Variants in PCSK5 observed in about 807,000 individuals in gnomAD.
PCSK5 encodes the protein proprotein convertase subtilisin/kexin type 5.
A neutral mutation model predicts 233.2 loss-of-function variants in PCSK5; 129 were observed. The ratio of observed to expected loss-of-function variants is 0.55; its 90% CI spans 0.48 to 0.64. The LOEUF (loss-of-function observed/expected upper bound fraction) is 0.64, where lower values mean the gene tolerates loss of function less well. Ranked by LOEUF, PCSK5 falls within the 30% of genes least tolerant of loss-of-function variation. The probability of loss-of-function intolerance (pLI) is 0.00; values close to 1 mark genes in which losing one functional copy is unlikely to be tolerated. For missense variants in PCSK5, 2,076 were observed against 2,430.1 expected (o/e 0.85, Z 3.06); for synonymous variants, 825 against 879.2 (o/e 0.94, Z 1.09).
At chr9:75,966,871 G>A (rs1440942361) in intron 2 of PCSK5, among the ~76,000 whole-genome samples, 1 of 152,134 alleles carries the variant, frequency 6.6e-6, no homozygotes, top group Non-Finnish European at 1.5e-5. Flanking sequence ...TTCTACCACA[G>A]TGTATGTTGT....
chr9:76,030,033 C>A (rs1305176690), intron 5 of PCSK5, among the ~76,000 whole-genome samples: 2 of 151,612 alleles, frequency 1.3e-5, no homozygotes, highest in African/African-American at 4.8e-5. Flanking sequence ...TAGAGAGAAA[C>A]AAATATGCTC....
intron 2 of PCSK5, among the ~76,000 whole-genome samples, chr9:75,953,495 T>G (rs1824956489): frequency 6.6e-6 from 1 of 152,154 alleles, no homozygotes; most frequent in Non-Finnish European, 1.5e-5. Context: ...AGATTGTCCT[T>G]TTGTTTTGGC....
At chr9:75,984,671 A>T (rs972846305) in intron 2 of PCSK5, among the ~76,000 whole-genome samples, 1 of 152,168 alleles carries the variant, frequency 6.6e-6, no homozygotes, top group African/African-American at 2.4e-5. Flanking sequence ...ATTGTGGAAT[A>T]CTTGTTACAT....
At chr9:76,100,366 A>AT (rs976275736) in intron 8 of PCSK5, among the ~76,000 whole-genome samples, 1 of 152,232 alleles carries the variant, frequency 6.6e-6, no homozygotes, top group Non-Finnish European at 1.5e-5. Context: ...AAAATATCAC[A>AT]TTTTTTGTCC....
At position 76,063,319 on chromosome 9, in the gene PCSK5, C is replaced by CTT. The variant is rs1157596601; in HGVS notation, c.633-4608_633-4607dup. Among the ~76,000 whole-genome samples, 258 of 59,720 alleles carry CTT rather than the reference C, an allele frequency of 4.3e-3. 2 individuals carry two copies. The highest frequency in any genetic ancestry group is 4.6e-3 in the Non-Finnish European group (154 of 33,804). 39.2% of individuals were successfully genotyped at this position (59,720 alleles called of 152,430 possible). Reference sequence around the variant, plus strand: ...CTGGCTACTGGCTAATTTCTTTTTTCTTTTTTTTTTTTTTTTTTTTTTTTT... The same window carrying CTT: ...CTGGCTACTGGCTAATTTCTTTTTTCTTTTTTTTTTTTTTTTTTTTTTTTTTT... On this transcript the variant is annotated intron_variant, in intron 5 of 37. Transcript: ENST00000674117.
intron 36 of PCSK5, among the ~76,000 whole-genome samples, chr9:76,351,896 C>G (rs56673997): frequency 0.029 from 4,402 of 152,150 alleles, 201 homozygotes; most frequent in African/African-American, 0.098. Flanking sequence ...CTGGTCTACA[C>G]CACTTACCCA....
intron 30 of PCSK5, among the ~76,000 whole-genome samples, chr9:76,311,891 CAGG>C: frequency 6.6e-6 from 1 of 152,270 alleles, no homozygotes; most frequent in Non-Finnish European, 1.5e-5. Context: ...CAGCCACTAC[CAGG>C]GCCAGGAAAG....
intron 5 of PCSK5, among the ~76,000 whole-genome samples, chr9:76,064,438 A>C (rs1238142132): frequency 3.9e-5 from 4 of 101,376 alleles, no homozygotes; most frequent in Non-Finnish European, 5.9e-5. Flanking sequence ...CCCGGATGGC[A>C]CGGCTGGCCG....
intron 9 of PCSK5, among the ~76,000 whole-genome samples, chr9:76,120,486 C>G (rs1266172035): frequency 6.6e-6 from 1 of 152,008 alleles, no homozygotes; most frequent in Non-Finnish European, 1.5e-5. Flanking sequence ...TTTTTATTGG[C>G]ATATTAATGT....
chr9:76,307,926 G>A (rs971705526), intron 28 of PCSK5, among the ~76,000 whole-genome samples: 45 of 152,204 alleles, frequency 3.0e-4, no homozygotes, highest in African/African-American at 8.9e-4. Flanking sequence ...GGCCGGGCGC[G>A]GTGGCTCACA....
At chr9:76,293,005 T>C (rs1828324922) in intron 25 of PCSK5, among the ~76,000 whole-genome samples, 1 of 152,138 alleles carries the variant, frequency 6.6e-6, no homozygotes, top group Admixed American at 6.5e-5. Flanking sequence ...ATTGAGATTG[T>C]CAGAGACACA....
intron 20 of PCSK5, among the ~76,000 whole-genome samples, chr9:76,218,181 C>G (rs898496763): frequency 2.6e-5 from 4 of 152,210 alleles, no homozygotes; most frequent in African/African-American, 9.7e-5. Flanking sequence ...TTGACCTCAG[C>G]AGCCTAAGAA....
intron 12 of PCSK5, among the ~76,000 whole-genome samples, chr9:76,160,109 C>T (rs1822788679): frequency 6.6e-6 from 1 of 152,138 alleles, no homozygotes; most frequent in Non-Finnish European, 1.5e-5. Context: ...GCATGAGCCA[C>T]CGCGCCCAGC....
In PCSK5 at chr9:76,358,898, C is replaced by T. The variant is rs529217290; in HGVS notation, c.5640C>T (p.Asp1880=). Residue 1880 remains aspartate (D), a synonymous_variant, in exon 38 of 38, where the codon GAC becomes GAT. Transcript: ENST00000674117. ...ACATAGATGAGCTGGAATATGATGA[C>T]GAGAGTTACTCCTACTACCAGTAAA... ...DDDIDELEYD[D]ESYSYYQ is the part of the protein sequence containing the mutation. 200 of 1,612,674 alleles carry T rather than the reference C, an allele frequency of 1.2e-4. 2 individuals carry two copies. The South Asian group carries it at 1.9e-3, about 15-fold the overall frequency.
At chr9:76,290,957 A>G (rs1266192478) in intron 24 of PCSK5, among the ~76,000 whole-genome samples, 1 of 152,208 alleles carries the variant, frequency 6.6e-6, no homozygotes. Flanking sequence ...AGGACCCAGA[A>G]AGTAGGTGAC....
Position 75,891,061 on chromosome 9 carries a change from G to T in PCSK5, c.-121G>T, listed in dbSNP as rs937379280. 3.3e-6 allele frequency: 3 copies of T among 915,942 alleles called. No individual in the cohort carries two copies. Among genetic ancestry groups the T allele is most frequent in the Non-Finnish European group, 4.5e-6 (3 of 672,380 alleles). 56.7% of individuals were successfully genotyped at this position (915,942 alleles called of 1,614,324 possible). A position where few individuals can be genotyped will look rare whatever the true frequency, so the allele number is the denominator to read the frequency against. The stretch of plus-strand genomic sequence containing the variant: ...AGCCGCCTCCTGCCGATCGCCCGGG[G>T]CTGCGAGCTGCGGCGGCCCGGGGCT... On this transcript the variant is annotated 5_prime_UTR_variant, in exon 1 of 38. Transcript: ENST00000674117.
chr9:76,023,673 G>T, intron 3 of PCSK5, 65 bp from the exon 4 acceptor site: 4 of 1,419,682 alleles, frequency 2.8e-6, no homozygotes, highest in Non-Finnish European at 2.9e-6. Flanking sequence ...AAGAAAGAAA[G>T]AAATAGGTAA....
intron 20 of PCSK5, chr9:76,193,595 T>TAAAC (rs904801651): frequency 1.5e-5 from 6 of 401,746 alleles, no homozygotes; most frequent in East Asian, 8.2e-5. Context: ...TGTTTAGTGC[T>TAAAC]AAACAGCCAG....
chr9:76,241,288 A>T (rs1682522648), intron 24 of PCSK5, among the ~76,000 whole-genome samples: 2 of 152,154 alleles, frequency 1.3e-5, no homozygotes, highest in African/African-American at 4.8e-5. Flanking sequence ...CTAAAAATAC[A>T]AAAATTAGCT....
Sources: gnomAD v4.1 joint callset for allele counts (sites outside exome capture counted in the v4.1 genomes callset) on GRCh38, gnomAD v4.1.1 for gene constraint, MANE v1.5 for transcripts, NCBI Gene and HGNC (gene_info 2026-07-23, HGNC 2026-07-21) for gene names.